FOXK2: variants seen among roughly 807,000 people sequenced by gnomAD.
The protein encoded by FOXK2 is forkhead box K2, also known as forkhead box protein K2.
A neutral mutation model predicts 53.3 loss-of-function variants in FOXK2; 24 were observed. That is an observed-to-expected ratio of 0.45 (90% CI 0.33 to 0.63). The LOEUF (loss-of-function observed/expected upper bound fraction) is 0.63. FOXK2 is among the 30% of genes least tolerant of loss of function. FOXK2 has a pLI of 0.03. For synonymous variants in FOXK2, 505 were observed against 407.1 expected (o/e 1.24, Z -2.89); for missense variants, 952 against 910.5 (o/e 1.05, Z -0.59).
intron 4 of FOXK2, chr17:82,576,785 T>C (rs2044991873): frequency 6.6e-6 from 4 of 608,534 alleles, no homozygotes; most frequent in Non-Finnish European, 1.2e-5. Flanking sequence ...TTTATGGTGC[T>C]GTAATGTGGT....
intron 1 of FOXK2, among the ~76,000 whole-genome samples, chr17:82,545,886 T>C (rs958280656): frequency 6.6e-6 from 1 of 152,022 alleles, no homozygotes; most frequent in Admixed American, 6.6e-5. Context: ...TTGGCCGATG[T>C]GTTCAGCTTT....
At chr17:82,588,104 C>G (rs2045212448) in intron 8 of FOXK2, among the ~76,000 whole-genome samples, 1 of 152,164 alleles carries the variant, frequency 6.6e-6, no homozygotes, top group Admixed American at 6.5e-5. Context: ...TACTCTGACT[C>G]AGCACCACCC....
intron 8 of FOXK2, 64 bp from the exon 9 acceptor site, chr17:82,601,239 G>A: frequency 6.5e-7 from 1 of 1,528,882 alleles, no homozygotes; most frequent in Non-Finnish European, 8.9e-7. Flanking sequence ...GTGAGAGCGT[G>A]GGGTTCTGAG....
intron 1 of FOXK2, among the ~76,000 whole-genome samples, chr17:82,547,026 G>A (rs957063990): frequency 8.1e-5 from 12 of 148,744 alleles, no homozygotes; most frequent in Admixed American, 2.7e-4. Flanking sequence ...ACAGTGAGCC[G>A]AGATGGCACC....
intron 1 of FOXK2, among the ~76,000 whole-genome samples, chr17:82,559,868 G>A (rs2044774148): frequency 6.6e-6 from 1 of 152,100 alleles, no homozygotes. Flanking sequence ...AGGGCCAAGT[G>A]GGTGACTTGA....
At chr17:82,562,560 A>G (rs1297726913) in intron 1 of FOXK2, among the ~76,000 whole-genome samples, 1 of 151,702 alleles carries the variant, frequency 6.6e-6, no homozygotes, top group Non-Finnish European at 1.5e-5. Context: ...ATTCTGGGCG[A>G]CAAGAACGAA....
intron 1 of FOXK2, among the ~76,000 whole-genome samples, chr17:82,525,154 G>A (rs1338805495): frequency 6.6e-6 from 1 of 151,208 alleles, no homozygotes; most frequent in Non-Finnish European, 1.5e-5. Context: ...TTTTGTATTT[G>A]TATTTTATTT....
At chr17:82,584,462 C>T (rs1259071016) in intron 6 of FOXK2, among the ~76,000 whole-genome samples, 1 of 150,332 alleles carries the variant, frequency 6.7e-6, no homozygotes, top group Non-Finnish European at 1.5e-5. Flanking sequence ...TGAAACAGCC[C>T]CCGCACCCCC....
chr17:82,567,421 C>T (rs574310363), intron 2 of FOXK2, among the ~76,000 whole-genome samples: 2 of 152,208 alleles, frequency 1.3e-5, no homozygotes, highest in Admixed American at 6.5e-5. Flanking sequence ...CCGTCCAGCC[C>T]GGTGGGAAAA....
intron 8 of FOXK2, 58 bp from the exon 9 acceptor site, chr17:82,601,245 C>T (rs971129101): frequency 1.3e-5 from 20 of 1,554,574 alleles, no homozygotes; most frequent in Non-Finnish European, 1.6e-5. Context: ...GCGTGGGGTT[C>T]TGAGTCGCGA....
At chr17:82,542,177 T>TG (rs1555636251) in intron 1 of FOXK2, among the ~76,000 whole-genome samples, 26 of 148,736 alleles carry the variant, frequency 1.7e-4, no homozygotes, top group Admixed American at 2.7e-4. Flanking sequence ...TTTTTTTTTT[T>TG]TTTGAGACAG....
intron 1 of FOXK2, among the ~76,000 whole-genome samples, chr17:82,527,157 G>T (rs1462000289): frequency 6.6e-6 from 1 of 152,100 alleles, no homozygotes; most frequent in Admixed American, 6.6e-5. Flanking sequence ...GGCAAATGGC[G>T]CTTTGCACTT....
At chr17:82,532,007 ATTATT>A (rs562578126) in intron 1 of FOXK2, among the ~76,000 whole-genome samples, 1 of 151,056 alleles carries the variant, frequency 6.6e-6, no homozygotes, top group African/African-American at 2.4e-5. Context: ...CGCCCGGCTA[ATTATT>A]TTATTTTATT....
chr17:82,530,708 C>G (rs559321989), intron 1 of FOXK2, among the ~76,000 whole-genome samples: 2 of 152,022 alleles, frequency 1.3e-5, no homozygotes, highest in Non-Finnish European at 2.9e-5. Context: ...CGGGGTTTCA[C>G]CATGTGGGCC....
At chr17:82,594,168 G>A (rs1181897928) in intron 8 of FOXK2, among the ~76,000 whole-genome samples, 4 of 152,210 alleles carry the variant, frequency 2.6e-5, no homozygotes, top group Non-Finnish European at 4.4e-5. Flanking sequence ...GTGTTATGAC[G>A]TAGGTTGCCT....
chr17:82,592,448 A>G (rs921327885), intron 8 of FOXK2, among the ~76,000 whole-genome samples: 1 of 152,210 alleles, frequency 6.6e-6, no homozygotes, highest in Non-Finnish European at 1.5e-5. Flanking sequence ...CCACAGCTCA[A>G]GCCTCACAGT....
At chr17:82,584,595 C>T (rs1159034516) in intron 6 of FOXK2, among the ~76,000 whole-genome samples, 2 of 120,028 alleles carry the variant, frequency 1.7e-5, no homozygotes, top group East Asian at 2.8e-4. Context: ...CTCACTTTGT[C>T]ACCAGGCTGG....
At chr17:82,526,989 A>T (rs573236625) in intron 1 of FOXK2, among the ~76,000 whole-genome samples, 1 of 152,254 alleles carries the variant, frequency 6.6e-6, no homozygotes, top group African/African-American at 2.4e-5. Flanking sequence ...CGGAGCTACT[A>T]GGAAAGTCTG....
In FOXK2 at chr17:82,601,483, A is replaced by G. The variant is rs1249603985; in HGVS notation, c.1967A>G (p.Lys656Arg). The G allele has an allele frequency of 2.5e-6, 4 of 1,606,110 alleles. No homozygotes were observed. The African/African-American group carries it at 5.3e-5, about 21-fold the overall frequency. Residue 656 changes from lysine (K) to arginine (R), a missense_variant, in exon 9 of 9, where the codon AAG becomes AGG. By Grantham distance (26) the Lys-to-Arg change is conservative (BLOSUM62 2). Around this residue, in one of 5 missense-constraint regions of FOXK2, gnomAD observed 551 missense variants for 385.1 expected, o/e 1.43. Coordinates refer to ENST00000335255, the MANE Select transcript of FOXK2 (RefSeq NM_004514.4). ...VDTPPAAVRE[K>R]GVQN ...ACGCCACCGGCAGCCGTAAGGGAAA[A>G]GGGTGTCCAGAACTAGCGACCGGGA...
Sources: gnomAD v4.1 joint callset for allele counts (sites outside exome capture counted in the v4.1 genomes callset) on GRCh38, gnomAD v4.1.1 for gene constraint, gnomAD v4.1.1 regional missense constraint, MANE v1.5 for transcripts, NCBI Gene and HGNC (gene_info 2026-07-23, HGNC 2026-07-21) for gene names.